PRRC2B: variants seen among roughly 807,000 people sequenced by gnomAD.
PRRC2B encodes the protein proline rich coiled-coil 2B, also known as protein PRRC2B.
A neutral mutation model predicts 242.3 loss-of-function variants in PRRC2B; 68 were observed. That is an observed-to-expected ratio of 0.28 (90% CI 0.23 to 0.34). The LOEUF (loss-of-function observed/expected upper bound fraction) is 0.34. Ranked by LOEUF, PRRC2B falls within the 10% of genes least tolerant of loss-of-function variation. The probability of loss-of-function intolerance (pLI) is 1.00; values close to 1 mark genes in which losing one functional copy is unlikely to be tolerated. For synonymous variants in PRRC2B, 1,228 were observed against 1,173.6 expected (o/e 1.05, Z -0.95); for missense variants, 2,835 against 2,954.8 (o/e 0.96, Z 0.94).
intron 5 of PRRC2B, 32 bp from the exon 6 acceptor site, chr9:131,444,153 C>T (rs1432675297): frequency 1.2e-6 from 2 of 1,612,756 alleles, no homozygotes; most frequent in Non-Finnish European, 8.5e-7. Flanking sequence ...CTCCATCTCA[C>T]TTCCTCCATG....
chr9:131,442,280 G>GC (rs1174262765), intron 5 of PRRC2B, among the ~76,000 whole-genome samples: 1 of 152,032 alleles, frequency 6.6e-6, no homozygotes, highest in African/African-American at 2.4e-5. Context: ...CTACAGGCAT[G>GC]CACCACCATG....
At position 131,466,871 on chromosome 9, in the gene PRRC2B, G is replaced by A. The variant is rs181105741; in HGVS notation, c.1721-692G>A. On this transcript the variant is annotated intron_variant, in intron 12 of 31. Coordinates refer to ENST00000683519, the MANE Select transcript of PRRC2B (RefSeq NM_013318.4). ...GGCTGGAGTGCAGTGGCACGATCTC[G>A]GCTCACTGCAAGCTCCACCTCCTGG... 1.6e-3 allele frequency among the ~76,000 whole-genome samples: 241 copies of A among 151,086 alleles called. 1 individual carries two copies. The highest frequency in any genetic ancestry group is 5.6e-3 in the African/African-American group (230 of 41,048).
intron 4 of PRRC2B, among the ~76,000 whole-genome samples, chr9:131,437,227 A>C (rs1380100551): frequency 6.6e-6 from 1 of 152,212 alleles, no homozygotes; most frequent in African/African-American, 2.4e-5. Context: ...AGAGGATATA[A>C]TGGGCAGCAG....
Position 131,487,201 on chromosome 9 carries a change from A to G in PRRC2B, c.5891A>G (p.His1964Arg). The change falls in exon 27 of 32, where the codon CAC becomes CGC. Residue 1964 changes from histidine to arginine, a missense_variant. Transcript: ENST00000683519. This position sits in a 1 kb window ranked among gnomAD's most constrained non-coding sequence, Gnocchi z 5.3. ...GCCCAGCAGATCCCGATCTCCCTTC[A>G]CACATCTCTGCAGGCACAAGCTCAG... ...AAAQQIPISL[H>R]TSLQAQAQLG... The G allele has an allele frequency of 6.2e-7, 1 of 1,613,766 alleles. No individual in the cohort carries two copies. The highest frequency in any genetic ancestry group is 8.5e-7 in the Non-Finnish European group (1 of 1,179,790).
At chr9:131,392,496 T>G (rs372865796), upstream of PRRC2B, among the ~76,000 whole-genome samples, 7 of 152,230 alleles carry the variant, frequency 4.6e-5, no homozygotes, top group African/African-American at 1.7e-4. Context: ...TTTTGAGCAC[T>G]GGGCCAATTC....
chr9:131,498,273 A>G lies in PRRC2B; in HGVS notation c.*2399A>G, dbSNP rs74709184. On this transcript the variant is annotated 3_prime_UTR_variant, in exon 32 of 32. Coordinates refer to ENST00000683519, the MANE Select transcript of PRRC2B (RefSeq NM_013318.4). Reference sequence around the variant, plus strand: ...TGTATTGATGTTGTAGGTCTAGGTGAAAAAAAAAGAAGTAAATGTTTCACT... The same window carrying G: ...TGTATTGATGTTGTAGGTCTAGGTGGAAAAAAAAGAAGTAAATGTTTCACT... 1 of 151,410 alleles carries G rather than the reference A, an allele frequency of 6.6e-6. No homozygotes were observed. The highest frequency in any genetic ancestry group is 1.5e-5 in the Non-Finnish European group (1 of 67,718). The allele number at this position is 151,410 out of a possible 1,614,324, so 9.4% of individuals were successfully genotyped here.
chr9:131,459,231 C>G lies in PRRC2B; in HGVS notation c.1279C>G (p.Arg427Gly), dbSNP rs767173493. 1.9e-6 allele frequency: 3 copies of G among 1,613,934 alleles called. No homozygotes were observed. In the Admixed American group the frequency reaches 5.0e-5, roughly 27 times the overall value. Reference protein sequence around the residue: ...MSSADSADAKRTREEGKDWAE... With the variant: ...MSSADSADAKGTREEGKDWAE... ...CTCTGCAGACAGTGCGGACGCTAAG[C>G]GGACTCGAGAGGAAGGGAAGGACTG... The change falls in exon 11 of 32, where the codon CGG (arginine) becomes GGG (glycine). Residue 427 changes from arginine (R) to glycine (G), a missense_variant. Arg to Gly is a moderately radical substitution (Grantham distance 125). Coordinates refer to ENST00000683519, the MANE Select transcript of PRRC2B (RefSeq NM_013318.4).
chr9:131,398,415 G>T (rs1022271032), intron 1 of PRRC2B, among the ~76,000 whole-genome samples: 1 of 152,206 alleles, frequency 6.6e-6, no homozygotes, highest in Non-Finnish European at 1.5e-5. Context: ...GAAGCATTGC[G>T]TGCAGCAGGA....
At chr9:131,386,662 A>C (rs530771549) in intron 1 of PRRC2B, among the ~76,000 whole-genome samples, 1 of 150,060 alleles carries the variant, frequency 6.7e-6, no homozygotes, top group Admixed American at 7.0e-5. Flanking sequence ...GTTGTAGCCA[A>C]TGAGGTCAAG....
intron 23 of PRRC2B, 92 bp from the exon 24 acceptor site, chr9:131,484,594 C>T (rs1943962178): frequency 4.9e-6 from 5 of 1,016,216 alleles, no homozygotes; most frequent in Non-Finnish European, 7.3e-6. Context: ...TTGGACGAGC[C>T]TTGAGTGTGT....
In PRRC2B at chr9:131,475,657, T is replaced by A. The variant is rs755492968; in HGVS notation, c.3528T>A (p.Asp1176Glu). ...ESTLKKGDCR[D>E]SWRSNKGCSE... Reference sequence around the variant, plus strand: ...CCTTGAAGAAGGGCGACTGCAGAGATTCTTGGCGGTCCAACAAGGGGTGCT... The same window carrying A: ...CCTTGAAGAAGGGCGACTGCAGAGAATCTTGGCGGTCCAACAAGGGGTGCT... The change falls in exon 16 of 32, where the codon GAT (aspartate) becomes GAA (glutamate). Residue 1176 changes from aspartate to glutamate, a missense_variant. This residue lies in a region of PRRC2B where 1,536 missense variants were observed against 1,483.1 expected (regional missense o/e 1.04). Coordinates refer to ENST00000683519, the MANE Select transcript of PRRC2B (RefSeq NM_013318.4). The A allele has an allele frequency of 3.7e-5, 60 of 1,611,070 alleles. No homozygotes were observed. The highest frequency in any genetic ancestry group is 5.0e-5 in the Admixed American group (3 of 59,802).
rs753545414 is a variant in PRRC2B at position 131,484,928 on chromosome 9, C to T, written c.5566-20C>T. The T allele has an allele frequency of 1.3e-6, 2 of 1,598,490 alleles. No individual in the cohort carries two copies. The highest frequency in any genetic ancestry group is 1.1e-5 in the South Asian group (1 of 90,000). On this transcript the variant is annotated intron_variant, in intron 24 of 31. Coordinates refer to ENST00000683519, the MANE Select transcript of PRRC2B (RefSeq NM_013318.4). Reference sequence around the variant, plus strand: ...GCGTGATAGTAATTTTCATCCCTCCCCCTCCCCTTGCTTCTGAAGATGGAG... The same window carrying T: ...GCGTGATAGTAATTTTCATCCCTCCTCCTCCCCTTGCTTCTGAAGATGGAG...
chr9:131,376,193 A>G (rs1433041510), intron 1 of PRRC2B, among the ~76,000 whole-genome samples: 3 of 151,726 alleles, frequency 2.0e-5, no homozygotes, highest in Non-Finnish European at 4.4e-5. Context: ...CTCTACTAAA[A>G]ATACAAAAAA....
intron 1 of PRRC2B, among the ~76,000 whole-genome samples, chr9:131,425,115 A>G (rs1837943632): frequency 1.3e-5 from 2 of 152,066 alleles, no homozygotes; most frequent in African/African-American, 4.8e-5. Flanking sequence ...CCTCCCGAGT[A>G]GCTGAGATTA....
chr9:131,432,507 T>A (rs566992826), intron 2 of PRRC2B, 110 bp from the exon 3 acceptor site: 3 of 1,076,988 alleles, frequency 2.8e-6, no homozygotes, highest in Non-Finnish European at 4.0e-6. Context: ...TTTTGTTGGG[T>A]TAGCTTTGTT....
In PRRC2B at chr9:131,467,527, C is replaced by T; in HGVS notation, c.1721-36C>T. The T allele has an allele frequency of 2.6e-6, 4 of 1,516,952 alleles. No homozygotes were observed. In the South Asian group the frequency reaches 4.9e-5, roughly 19 times the overall value. 94.0% of individuals were successfully genotyped at this position (1,516,952 alleles called of 1,614,324 possible). On this transcript the variant is annotated intron_variant, in intron 12 of 31. Coordinates refer to ENST00000683519, the MANE Select transcript of PRRC2B (RefSeq NM_013318.4). Reference sequence around the variant, plus strand: ...ACTTGGTTGGCTGAGCTTCTGTGAGCTCACTGTGTCATTTCTCTGCTGGTA... The same window carrying T: ...ACTTGGTTGGCTGAGCTTCTGTGAGTTCACTGTGTCATTTCTCTGCTGGTA...
chr9:131,427,570 T>A (rs1333121350), intron 1 of PRRC2B, among the ~76,000 whole-genome samples: 2 of 152,212 alleles, frequency 1.3e-5, no homozygotes, highest in East Asian at 3.9e-4. Context: ...GACCTAGTGA[T>A]CTGCCTACCT....
At chr9:131,374,568 C>T (rs1224579595) in intron 1 of PRRC2B, among the ~76,000 whole-genome samples, 1 of 152,000 alleles carries the variant, frequency 6.6e-6, no homozygotes, top group Admixed American at 6.6e-5. Context: ...CTCCATCCCT[C>T]AGGCTGGAGT....
At chr9:131,399,496 A>T (rs921007786) in intron 1 of PRRC2B, among the ~76,000 whole-genome samples, 2 of 150,930 alleles carry the variant, frequency 1.3e-5, no homozygotes, top group African/African-American at 2.4e-5. Flanking sequence ...GGAGAATGGC[A>T]TGAACCCGGG....
Sources: gnomAD v4.1 joint callset for allele counts (sites outside exome capture counted in the v4.1 genomes callset) on GRCh38, gnomAD v4.1.1 for gene constraint, gnomAD v4.1.1 regional missense constraint, Gnocchi (gnomAD v3.1) non-coding constraint, MANE v1.5 for transcripts, NCBI Gene and HGNC (gene_info 2026-07-23, HGNC 2026-07-21) for gene names.